Variants in SETBP1 observed in about 807,000 individuals in gnomAD.
SETBP1 encodes the protein SET-binding protein.
SETBP1 carries 9 observed loss-of-function variants against 101.0 expected under a neutral mutation model. That is an observed-to-expected ratio of 0.09 (90% CI 0.05 to 0.16). SETBP1 has a LOEUF of 0.16. Ranked by LOEUF, SETBP1 falls within the 10% of genes least tolerant of loss-of-function variation. SETBP1 has a pLI of 1.00. For missense variants in SETBP1, 1,858 were observed against 2,033.8 expected, an observed-to-expected ratio of 0.91 and a Z score of 1.66; for synonymous variants, 818 against 788.5, an observed-to-expected ratio of 1.04 and a Z score of -0.63.
intron 3 of SETBP1, among the ~76,000 whole-genome samples, chr18:44,882,816 G>A (rs2069560792): frequency 6.6e-6 from 1 of 152,094 alleles, no homozygotes; most frequent in Admixed American, 6.5e-5. Context: ...ATTCTAGGCG[G>A]GGGTGTGTGT....
intron 2 of SETBP1, among the ~76,000 whole-genome samples, chr18:44,868,140 A>C (rs1239448063): frequency 2.0e-5 from 3 of 152,224 alleles, no homozygotes; most frequent in Non-Finnish European, 4.4e-5. Flanking sequence ...AAAGGATGCA[A>C]AAATATTTAA....
chr18:44,893,390 G>A (rs559951541), intron 3 of SETBP1, among the ~76,000 whole-genome samples: 24 of 152,286 alleles, frequency 1.6e-4, no homozygotes, highest in South Asian at 4.1e-4. Context: ...AAATGGAAGC[G>A]TGGAGATGTT....
At chr18:44,891,383 C>T (rs1180121661) in intron 3 of SETBP1, among the ~76,000 whole-genome samples, 1 of 152,140 alleles carries the variant, frequency 6.6e-6, no homozygotes, top group African/African-American at 2.4e-5. Flanking sequence ...TTTTATTATA[C>T]ACATTCAGTC....
chr18:44,979,160 A>C (rs980604935), intron 4 of SETBP1, among the ~76,000 whole-genome samples: 2 of 152,164 alleles, frequency 1.3e-5, no homozygotes, highest in African/African-American at 4.8e-5. Flanking sequence ...CCATGAGAGG[A>C]CTTCTACGGG....
At chr18:44,863,621 C>T (rs2069064217) in intron 2 of SETBP1, among the ~76,000 whole-genome samples, 1 of 152,066 alleles carries the variant, frequency 6.6e-6, no homozygotes, top group Non-Finnish European at 1.5e-5. Flanking sequence ...TCCTACATTG[C>T]AAATAGAAAT....
In SETBP1 at chr18:45,063,593, G is replaced by A. The variant is rs1446146501; in HGVS notation, c.4686G>A (p.Gln1562=). Residue 1562 remains glutamine, a synonymous_variant, in exon 6 of 6, where the codon CAG becomes CAA. Transcript: ENST00000649279. ...KRKHKPQAPA[Q]PPQQSPPQQP... is the part of the protein sequence containing the mutation. ...AACACAAACCGCAGGCCCCCGCTCA[G>A]CCCCCACAGCAGTCGCCCCCGCAGC... 9.0e-6 allele frequency: 14 copies of A among 1,554,418 alleles called. No homozygotes were observed. The highest frequency in any genetic ancestry group is 1.2e-5 in the Non-Finnish European group (14 of 1,148,660).
chr18:44,698,596 A>C (rs993185694), intron 1 of SETBP1, among the ~76,000 whole-genome samples: 2 of 152,062 alleles, frequency 1.3e-5, no homozygotes, highest in East Asian at 1.9e-4. Flanking sequence ...TACCTAGGAA[A>C]CCCCCATCAA....
chr18:44,750,061 T>C (rs1268659670), intron 2 of SETBP1, among the ~76,000 whole-genome samples: 3 of 152,190 alleles, frequency 2.0e-5, no homozygotes, highest in African/African-American at 7.2e-5. Context: ...GGAGGTGTGA[T>C]GGGGAATGTC....
chr18:44,938,052 A>G (rs1347724929), intron 3 of SETBP1, among the ~76,000 whole-genome samples: 1 of 152,114 alleles, frequency 6.6e-6, no homozygotes, highest in Non-Finnish European at 1.5e-5. Flanking sequence ...AAGGGACTCC[A>G]CTAATTGGAA....
intron 3 of SETBP1, among the ~76,000 whole-genome samples, chr18:44,932,893 C>T (rs2070869905): frequency 6.6e-6 from 1 of 152,184 alleles, no homozygotes; most frequent in Non-Finnish European, 1.5e-5. Context: ...GTTTGAACAT[C>T]CTCCTTTAGC....
intron 2 of SETBP1, among the ~76,000 whole-genome samples, chr18:44,861,549 T>C (rs1414960751): frequency 6.6e-6 from 1 of 152,088 alleles, no homozygotes; most frequent in Non-Finnish European, 1.5e-5. Flanking sequence ...ATGGACAACC[T>C]GATAGAGCTC....
At chr18:44,737,893 C>G (rs1203502367) in intron 2 of SETBP1, among the ~76,000 whole-genome samples, 1 of 152,200 alleles carries the variant, frequency 6.6e-6, no homozygotes, top group Admixed American at 6.5e-5. Context: ...CACAGCATTA[C>G]GTTGTTTACT....
At chr18:44,959,516 A>G (rs2071564627) in intron 4 of SETBP1, among the ~76,000 whole-genome samples, 2 of 152,244 alleles carry the variant, frequency 1.3e-5, no homozygotes, top group South Asian at 4.1e-4. Context: ...AAGAAATCAA[A>G]GATGAGTAAC....
In SETBP1 at chr18:44,842,651, A is replaced by G. The variant is rs561422600; in HGVS notation, c.487-26579A>G. Reference sequence around the variant, plus strand: ...TCTACAGATTCGCAAAAGGGAACCCACTACAGCTTACCAATGAATGCATGG... The same window carrying G: ...TCTACAGATTCGCAAAAGGGAACCCGCTACAGCTTACCAATGAATGCATGG... On this transcript the variant is annotated intron_variant, in intron 2 of 5. Transcript: ENST00000649279. Among the ~76,000 whole-genome samples, 7 of 152,306 alleles carry G rather than the reference A, an allele frequency of 4.6e-5. No individual in the cohort carries two copies. In the East Asian group the frequency reaches 1.4e-3, roughly 29 times the overall value.
At chr18:44,853,999 C>T (rs2072923109) in intron 2 of SETBP1, among the ~76,000 whole-genome samples, 1 of 152,132 alleles carries the variant, frequency 6.6e-6, no homozygotes, top group Non-Finnish European at 1.5e-5. Flanking sequence ...TTCTTTTGTC[C>T]TACCCATACC....
At chr18:45,028,645 T>C (rs2073223174) in intron 4 of SETBP1, among the ~76,000 whole-genome samples, 2 of 152,224 alleles carry the variant, frequency 1.3e-5, no homozygotes, top group South Asian at 2.1e-4. Context: ...AAAGTGTTCC[T>C]ATTTCTCCAC....
rs1304092174 is a variant in SETBP1 at position 44,952,790 on chromosome 18, G to T, written c.3450G>T (p.Arg1150Ser). The T allele has an allele frequency of 1.2e-6, 2 of 1,613,918 alleles. No individual in the cohort carries two copies. The highest frequency in any genetic ancestry group is 2.7e-5 in the African/African-American group (2 of 74,856). Residue 1150 changes from arginine (R) to serine (S), a missense_variant, in exon 4 of 6, where the codon AGG becomes AGT. Physicochemically the swap from Arg to Ser is moderately radical, Grantham distance 110. Coordinates refer to ENST00000649279, the MANE Select transcript of SETBP1 (RefSeq NM_015559.3). ...ASLSSGRLHK[R>S]KHKHKHKHKE... is the part of the protein sequence containing the mutation. ...TGTCCAGTGGTCGGCTCCATAAGAG[G>T]AAACACAAACACAAGCATAAGCACA... is the stretch of plus-strand genomic sequence containing the variant.
chr18:45,023,621 G>A (rs997181626), intron 4 of SETBP1, among the ~76,000 whole-genome samples: 1 of 152,244 alleles, frequency 6.6e-6, no homozygotes, highest in Non-Finnish European at 1.5e-5. Context: ...AGCGTTCAGA[G>A]AGTTCGAAGT....
chr18:44,819,151 CCT>C (rs2072049623), intron 2 of SETBP1, among the ~76,000 whole-genome samples: 1 of 132,244 alleles, frequency 7.6e-6, no homozygotes, highest in Non-Finnish European at 1.7e-5. Context: ...TTCCCTTTTT[CCT>C]CTTGATACAT....
Sources: allele counts gnomAD v4.1 joint callset (sites outside exome capture counted in the v4.1 genomes callset), GRCh38; gene constraint gnomAD v4.1.1; transcripts MANE v1.5; gene names NCBI Gene and HGNC (gene_info 2026-07-23, HGNC 2026-07-21).